SMYD3: variants seen among roughly 807,000 people sequenced by gnomAD.
The protein encoded by SMYD3 is SET and MYND domain containing 3.
A neutral mutation model predicts 57.7 loss-of-function variants in SMYD3; 36 were observed. The observed-to-expected ratio is 0.62, with a 90% confidence interval of 0.48 to 0.82. The LOEUF is 0.82. Among genes scored for constraint, SMYD3 ranks in the 40% least tolerant of loss-of-function variants. SMYD3 has a pLI of 0.00. For missense variants in SMYD3, 515 were observed against 538.8 expected (o/e 0.96, Z 0.44); for synonymous variants, 211 against 195.0 (o/e 1.08, Z -0.68).
At chr1:246,165,038 T>C (rs908477958) in intron 5 of SMYD3, among the ~76,000 whole-genome samples, 2 of 152,036 alleles carry the variant, frequency 1.3e-5, no homozygotes, top group Non-Finnish European at 2.9e-5. Flanking sequence ...GGGAAGACAG[T>C]AGTGCAGGAA....
intron 1 of SMYD3, among the ~76,000 whole-genome samples, chr1:246,401,490 A>T (rs1426531961): frequency 6.6e-6 from 1 of 151,632 alleles, no homozygotes; most frequent in Non-Finnish European, 1.5e-5. Flanking sequence ...GTGCCACCAC[A>T]CCTGGCTAAT....
At chr1:245,927,841 C>A in intron 7 of SMYD3, 90 bp downstream of exon 7, 1 of 969,424 alleles carries the variant, frequency 1.0e-6, no homozygotes, top group Non-Finnish European at 1.6e-6. Context: ...AAAGTTGTCC[C>A]CTCAGGCACA....
intron 5 of SMYD3, among the ~76,000 whole-genome samples, chr1:246,164,226 G>T (rs1264016836): frequency 6.6e-6 from 1 of 152,126 alleles, no homozygotes; most frequent in Non-Finnish European, 1.5e-5. Context: ...TTCCAGACCA[G>T]ACTGGCCAAT....
intron 1 of SMYD3, among the ~76,000 whole-genome samples, chr1:246,447,597 T>C (rs902299718): frequency 6.6e-6 from 1 of 152,212 alleles, no homozygotes; most frequent in Non-Finnish European, 1.5e-5. Flanking sequence ...AATGATTGTC[T>C]TTCCAATATT....
At chr1:245,985,038 C>G (rs1192797179) in intron 5 of SMYD3, among the ~76,000 whole-genome samples, 1 of 152,124 alleles carries the variant, frequency 6.6e-6, no homozygotes, top group African/African-American at 2.4e-5. Context: ...TCTGCCTTAC[C>G]TACCATCGCT....
At chr1:246,254,312 T>C (rs1214941098) in intron 5 of SMYD3, among the ~76,000 whole-genome samples, 1 of 152,230 alleles carries the variant, frequency 6.6e-6, no homozygotes, top group Non-Finnish European at 1.5e-5. Context: ...TTAATTTTTA[T>C]ATAAGATGAA....
Position 245,764,070 on chromosome 1 carries a change from A to G in SMYD3, c.1156T>C (p.Phe386Leu). The G allele has an allele frequency of 6.2e-7, 1 of 1,613,960 alleles. No homozygotes were observed. ...CTCAGATTCTTCATTGCTTGGGGAA[A>G]CATGCCTTGATGTAGCTGCAGTTTG... is the stretch of plus-strand genomic sequence containing the variant. Reference protein sequence around the residue: ...VGKLQLHQGMFPQAMKNLRLA... With the variant: ...VGKLQLHQGMLPQAMKNLRLA... The change falls in exon 11 of 12, where the codon TTT (phenylalanine) becomes CTT (leucine). Residue 386 changes from phenylalanine (F) to leucine (L), a missense_variant. Phe to Leu is a conservative substitution (Grantham distance 22). Transcript: ENST00000490107.
rs186676435 is a variant in SMYD3, at chr1:245,955,367, C to T, written c.532-25430G>A. ...TGCTGGGATTACCGGCATGAGCCAC[C>T]GCGCCTGGCCGCCCATGTGGTTTTA... On this transcript the variant is annotated intron_variant, in intron 5 of 11. Transcript: ENST00000490107. Among the ~76,000 whole-genome samples the T allele has an allele frequency of 7.7e-4, 117 of 152,186 alleles. 4 individuals carry two copies. The highest frequency in any genetic ancestry group is 9.6e-4 in the African/African-American group (40 of 41,542).
At chr1:245,926,903 T>C (rs1332941587) in intron 7 of SMYD3, among the ~76,000 whole-genome samples, 2 of 152,190 alleles carry the variant, frequency 1.3e-5, no homozygotes, top group African/African-American at 4.8e-5. Flanking sequence ...CTCACTGACA[T>C]CTATCCCAGT....
chr1:246,047,029 T>G (rs1159622821), intron 5 of SMYD3, among the ~76,000 whole-genome samples: 1 of 152,158 alleles, frequency 6.6e-6, no homozygotes, highest in Admixed American at 6.5e-5. Context: ...GATAAACATA[T>G]GTTCCTGAAG....
intron 5 of SMYD3, among the ~76,000 whole-genome samples, chr1:246,120,150 C>T (rs6693415): frequency 0.84 from 127,709 of 152,112 alleles, 53,797 homozygotes; most frequent in Admixed American, 0.89. Context: ...TATCTCTCTG[C>T]CTTTGAGGAT....
At chr1:246,471,964 G>A (rs925570056) in intron 1 of SMYD3, among the ~76,000 whole-genome samples, 3 of 151,936 alleles carry the variant, frequency 2.0e-5, no homozygotes, top group Non-Finnish European at 4.4e-5. Context: ...CCTAAAGTAG[G>A]TGTTACTTGT....
chr1:245,935,298 G>A (rs1053297362), intron 5 of SMYD3, among the ~76,000 whole-genome samples: 2 of 152,150 alleles, frequency 1.3e-5, no homozygotes, highest in African/African-American at 4.8e-5. Flanking sequence ...AAAGATTCAT[G>A]AGAAAATGCT....
At chr1:245,757,349 G>T (rs2045651087) in intron 11 of SMYD3, among the ~76,000 whole-genome samples, 1 of 151,890 alleles carries the variant, frequency 6.6e-6, no homozygotes, top group Non-Finnish European at 1.5e-5. Context: ...ATATTCCCTT[G>T]TATGTATATA....
intron 1 of SMYD3, among the ~76,000 whole-genome samples, chr1:246,366,998 G>C (rs555778202): frequency 1.3e-5 from 2 of 151,258 alleles, no homozygotes; most frequent in Non-Finnish European, 2.9e-5. Context: ...GTATTTTTTG[G>C]GGAAAAAAAG....
chr1:246,405,841 C>A (rs1387598260), intron 1 of SMYD3, among the ~76,000 whole-genome samples: 1 of 146,138 alleles, frequency 6.8e-6, no homozygotes, highest in Admixed American at 7.0e-5. Context: ...ACCCAGGAGG[C>A]AGAGCTTGCA....
intron 5 of SMYD3, among the ~76,000 whole-genome samples, chr1:246,054,183 A>T (rs2060109795): frequency 6.6e-6 from 1 of 152,234 alleles, no homozygotes; most frequent in Non-Finnish European, 1.5e-5. Context: ...CAGTAGCATT[A>T]ACTAATTAGA....
chr1:245,941,410 C>T (rs2057239846), intron 5 of SMYD3, among the ~76,000 whole-genome samples: 1 of 152,068 alleles, frequency 6.6e-6, no homozygotes, highest in Non-Finnish European at 1.5e-5. Flanking sequence ...TTAAGGGCGG[C>T]CAGAGAGAAA....
chr1:246,419,279 G>A (rs552220960), intron 1 of SMYD3, among the ~76,000 whole-genome samples: 10 of 152,246 alleles, frequency 6.6e-5, no homozygotes, highest in South Asian at 6.2e-4. Context: ...GACTTAGCCC[G>A]CCTGCACCCA....
Sources: allele counts gnomAD v4.1 joint callset (sites outside exome capture counted in the v4.1 genomes callset), GRCh38; gene constraint gnomAD v4.1.1; transcripts MANE v1.5; gene names NCBI Gene and HGNC (gene_info 2026-07-23, HGNC 2026-07-21).